Variants in SIK3 observed in about 807,000 individuals in gnomAD.
SIK3 encodes serine/threonine-protein kinase SIK3.
Under a neutral mutation model 144.2 loss-of-function variants are expected in SIK3, and 28 were observed. That is an observed-to-expected ratio of 0.19 (90% CI 0.14 to 0.27). SIK3 has a LOEUF of 0.27. Among genes scored for constraint, SIK3 ranks in the 10% least tolerant of loss-of-function variants. The pLI, the probability that SIK3 is intolerant of heterozygous loss-of-function variation, is 1.00. For missense variants in SIK3, 1,319 were observed against 1,776.0 expected (o/e 0.74, Z 4.62); for synonymous variants, 686 against 676.3 (o/e 1.01, Z -0.22).
rs555272351 is a variant in SIK3 at position 116,911,508 on chromosome 11, CAAAA to C, written c.617-14195_617-14192del. 7.1e-5 allele frequency among the ~76,000 whole-genome samples: 9 copies of C among 127,028 alleles called. No individual in the cohort carries two copies. The South Asian group carries it at 2.2e-3, about 31-fold the overall frequency. 83.3% of individuals were successfully genotyped at this position (127,028 alleles called of 152,430 possible). A position where few individuals can be genotyped will look rare whatever the true frequency, so the allele number is the denominator to read the frequency against. ...GGCAAGACAGAGCCAGACTCTGTCT[CAAAA>C]AAAAAAAATGATGACTATATGGAGC... On this transcript the variant is annotated intron_variant, in intron 4 of 24. Transcript: ENST00000445177.
intron 1 of SIK3, among the ~76,000 whole-genome samples, chr11:116,989,079 A>T (rs1950416092): frequency 6.6e-6 from 1 of 152,154 alleles, no homozygotes; most frequent in South Asian, 2.1e-4. Flanking sequence ...TGGCAAGAGA[A>T]CACAGATGGA....
At chr11:117,092,626 G>A (rs1395507078) in intron 1 of SIK3, among the ~76,000 whole-genome samples, 1 of 152,122 alleles carries the variant, frequency 6.6e-6, no homozygotes, top group Non-Finnish European at 1.5e-5. Flanking sequence ...CCAGACCCTA[G>A]AATGGAACCT....
intron 1 of SIK3, among the ~76,000 whole-genome samples, chr11:117,077,097 T>C (rs1954581870): frequency 6.6e-6 from 1 of 152,202 alleles, no homozygotes; most frequent in African/African-American, 2.4e-5. Flanking sequence ...TTGAGGTGAC[T>C]GTGAGCTACA....
At chr11:116,864,719 T>G (rs779719528) in intron 15 of SIK3, 1 of 152,262 alleles carries the variant, frequency 6.6e-6, no homozygotes, top group Non-Finnish European at 1.5e-5. Context: ...CAGTAGCAGA[T>G]GGAAAGGATC....
At chr11:117,081,794 G>A (rs1366576294) in intron 1 of SIK3, among the ~76,000 whole-genome samples, 2 of 152,112 alleles carry the variant, frequency 1.3e-5, no homozygotes, top group Non-Finnish European at 2.9e-5. Context: ...AGAAACTAGA[G>A]AATCAAAATT....
rs555064416 is a variant in SIK3, at chr11:117,074,238, TC to T, written c.273+23904del. 1.7e-3 allele frequency among the ~76,000 whole-genome samples: 252 copies of T among 152,294 alleles called. 2 individuals carry two copies. Among genetic ancestry groups the T allele is most frequent in the African/African-American group, 5.6e-3 (234 of 41,546 alleles). ...CAGGCTGATGTCCAGTTCCACTTAC[TC>T]CTAGCAAACAGGATCCCAATTTCTA... On this transcript the variant is annotated intron_variant, in intron 1 of 24. Coordinates refer to ENST00000445177, the MANE Select transcript of SIK3 (RefSeq NM_001366686.3).
intron 21 of SIK3, among the ~76,000 whole-genome samples, chr11:116,851,977 G>C (rs689243): frequency 0.45 from 69,065 of 152,174 alleles, 19,017 homozygotes; most frequent in Non-Finnish European, 0.63. Context: ...TCCTCGGGGT[G>C]CTTTTTTCCT....
At chr11:116,990,378 A>G (rs748549019) in intron 1 of SIK3, among the ~76,000 whole-genome samples, 1 of 152,120 alleles carries the variant, frequency 6.6e-6, no homozygotes, top group Non-Finnish European at 1.5e-5. Context: ...TCCCTTTGAG[A>G]GATAGAGATA....
chr11:117,057,042 C>G (rs1407218468), intron 1 of SIK3, among the ~76,000 whole-genome samples: 1 of 152,220 alleles, frequency 6.6e-6, no homozygotes, highest in Non-Finnish European at 1.5e-5. Flanking sequence ...TAAGAAACAA[C>G]AGAGATCTCC....
At chr11:116,929,234 T>C (rs527921415) in intron 3 of SIK3, among the ~76,000 whole-genome samples, 1 of 152,236 alleles carries the variant, frequency 6.6e-6, no homozygotes, top group African/African-American at 2.4e-5. Flanking sequence ...TCTAATAATA[T>C]GTTTTAGTTG....
chr11:116,914,648 C>T (rs971040926), intron 4 of SIK3, among the ~76,000 whole-genome samples: 1 of 152,098 alleles, frequency 6.6e-6, no homozygotes, highest in Admixed American at 6.5e-5. Context: ...ATAATTATAA[C>T]CACTGGATGA....
intron 1 of SIK3, among the ~76,000 whole-genome samples, chr11:117,009,675 A>C (rs1034821791): frequency 6.6e-6 from 1 of 152,208 alleles, no homozygotes; most frequent in African/African-American, 2.4e-5. Flanking sequence ...CCACCAATCA[A>C]AGTACACTAT....
chr11:117,059,048 C>T (rs1405674241), intron 1 of SIK3, among the ~76,000 whole-genome samples: 1 of 152,034 alleles, frequency 6.6e-6, no homozygotes, highest in Non-Finnish European at 1.5e-5. Context: ...CTGGCGGCCT[C>T]AGTGAAATGA....
Position 116,868,058 on chromosome 11 carries a change from G to C in SIK3, c.1840C>G (p.Leu614Val). The C allele has an allele frequency of 1.9e-6, 3 of 1,550,680 alleles. No individual in the cohort carries two copies. The highest frequency in any genetic ancestry group is 2.6e-6 in the Non-Finnish European group (3 of 1,147,012). Residue 614 changes from leucine (L) to valine (V), a missense_variant, in exon 15 of 25, where the codon CTG (leucine) becomes GTG (valine). By Grantham distance (32) the Leu-to-Val change is conservative (BLOSUM62 1). Coordinates refer to ENST00000445177, the MANE Select transcript of SIK3 (RefSeq NM_001366686.3). ...TCAGCTGTAGGGTTGGTCATGGCCA[G>C]TGTATGTCTTTTGGACCTATTTGCC... ...YLANRSKRHTLAMTNPTAEIP... is the reference protein window; with the variant it reads ...YLANRSKRHTVAMTNPTAEIP...
chr11:117,023,614 A>C (rs1215224610), intron 1 of SIK3, among the ~76,000 whole-genome samples: 22 of 106,806 alleles, frequency 2.1e-4, no homozygotes, highest in African/African-American at 9.4e-4. Context: ...ACAAACAAAA[A>C]AAAAAAAATA....
At chr11:116,950,167 GA>G (rs763917268) in intron 3 of SIK3, 13 of 470,784 alleles carry the variant, frequency 2.8e-5, no homozygotes, top group African/African-American at 2.6e-4. Context: ...CTGAGTAGAA[GA>G]AGGGGCCCCC....
At chr11:116,874,790 C>T (rs895971487) in intron 11 of SIK3, among the ~76,000 whole-genome samples, 1 of 152,156 alleles carries the variant, frequency 6.6e-6, no homozygotes, top group African/African-American at 2.4e-5. Flanking sequence ...TCTTCCTACT[C>T]AGCAAAGAAA....
chr11:116,981,991 C>CT (rs1950154199), intron 1 of SIK3, among the ~76,000 whole-genome samples: 1 of 152,206 alleles, frequency 6.6e-6, no homozygotes, highest in Non-Finnish European at 1.5e-5. Context: ...GACTGCAAAT[C>CT]TTTGAGTATG....
intron 4 of SIK3, among the ~76,000 whole-genome samples, chr11:116,902,460 G>A (rs1945786191): frequency 6.6e-6 from 1 of 152,168 alleles, no homozygotes; most frequent in South Asian, 2.1e-4. Context: ...ACTGCTAATA[G>A]TTATAAGGAT....
Sources: allele counts gnomAD v4.1 joint callset (sites outside exome capture counted in the v4.1 genomes callset), GRCh38; gene constraint gnomAD v4.1.1; transcripts MANE v1.5; gene names NCBI Gene and HGNC (gene_info 2026-07-23, HGNC 2026-07-21).